The following PLCH2 variants were observed in gnomAD, a reference collection of about 807,000 sequenced individuals.
PLCH2 encodes 1-phosphatidylinositol 4,5-bisphosphate phosphodiesterase eta-2.
Under a neutral mutation model 134.7 loss-of-function variants are expected in PLCH2, and 98 were observed. The observed-to-expected ratio is 0.73, with a 90% CI of 0.62 to 0.86. The LOEUF (loss-of-function observed/expected upper bound fraction) is 0.86. Ranked by LOEUF, PLCH2 falls within the 40% of genes least tolerant of loss-of-function variation. The pLI is 0.00. For missense variants in PLCH2, 1,994 were observed against 1,986.6 expected (o/e 1.00, Z -0.07); for synonymous variants, 974 against 827.5 (o/e 1.18, Z -3.04).
Position 2,499,680 on chromosome 1 carries a change from C to G in PLCH2, c.2621C>G (p.Ser874Cys). 12 of 1,600,438 alleles carry G rather than the reference C, an allele frequency of 7.5e-6. No homozygotes were observed. The highest frequency in any genetic ancestry group is 1.0e-5 in the Non-Finnish European group (12 of 1,174,068). Residue 874 changes from serine (S) to cysteine (C), a missense_variant, in exon 20 of 22, where the codon TCC becomes TGC. This residue lies in a region of PLCH2 where 1,094 missense variants were observed against 1,234.3 expected (regional missense o/e 0.89). Transcript: ENST00000378486. ...HVYLEGMEEA[S>C]IFVHVAVSDI... The stretch of plus-strand genomic sequence containing the variant: ...TACCTAGAAGGGATGGAAGAGGCCT[C>G]CATCTTCGTGCATGTGGCTGTCAGT...
chr1:2,417,637 C>G, the PLCH2 span, among the ~76,000 whole-genome samples: 2 of 152,174 alleles, frequency 1.3e-5, no homozygotes, highest in African/African-American at 4.8e-5. Flanking sequence ...CACTGCATAG[C>G]CTGGGCTGTG....
intron 1 of PLCH2, chr1:2,467,727 A>G (rs1641135948): frequency 2.5e-6 from 1 of 401,242 alleles, no homozygotes; most frequent in Non-Finnish European, 4.4e-6. Flanking sequence ...CCAGGACCGG[A>G]CCTGTTCACT....
Position 2,428,247 on chromosome 1 carries a change from C to G in PLCH2, c.-177-2091C>G, listed in dbSNP as rs560063224. 7.2e-5 allele frequency among the ~76,000 whole-genome samples: 11 copies of G among 152,360 alleles called. No homozygotes were observed. The East Asian group carries it at 1.5e-3, about 21-fold the overall frequency. ...CAATGTCCCCTTCTTAGGCCAGGGT[C>G]TGGGCTCCTGGGGATCGGCCAGCAC... On this transcript the variant is annotated intron_variant, in intron 1 of 3. Coordinates refer to the PLCH2 transcript ENST00000609981.
upstream of PLCH2, among the ~76,000 whole-genome samples, chr1:2,463,818 C>T (rs144244490): frequency 2.6e-5 from 4 of 152,266 alleles, no homozygotes; most frequent in Non-Finnish European, 5.9e-5. Flanking sequence ...AAGGCACCAG[C>T]TGGCCAGGCC....
chr1:2,495,174 G>GC (rs1238229254), intron 12 of PLCH2, among the ~76,000 whole-genome samples: 2 of 152,218 alleles, frequency 1.3e-5, no homozygotes, highest in Admixed American at 6.5e-5. Flanking sequence ...GGTTGCAGGT[G>GC]CCAGGGACTG....
chr1:2,448,224 C>A lies in PLCH2; in HGVS notation c.115+17595C>A, dbSNP rs1294802383. Among the ~76,000 whole-genome samples the A allele has an allele frequency of 6.6e-6, 1 of 152,164 alleles. No individual in the cohort carries two copies. ...TCCTGCAGCTGCTGGGACCGGCTGC[C>A]GTGCACTGGCCACTAAAAACGCCGC... On this transcript the variant is annotated intron_variant, in intron 2 of 3. Coordinates refer to the PLCH2 transcript ENST00000609981. The surrounding 1 kb of genome is among the most constrained non-coding windows in gnomAD (Gnocchi z 4.0).
intron 2 of PLCH2, among the ~76,000 whole-genome samples, chr1:2,445,691 C>G (rs1330664830): frequency 1.3e-5 from 2 of 152,064 alleles, no homozygotes; most frequent in Non-Finnish European, 2.9e-5. Flanking sequence ...TACAGACCCT[C>G]CTAGGTGGTG....
In PLCH2 at chr1:2,444,057, GGGGCTGAGCCGCCTGGGCTTCAGACTC is replaced by G. The variant is rs1165556314; in HGVS notation, c.115+13432_115+13458del. Among the ~76,000 whole-genome samples the G allele has an allele frequency of 6.6e-6, 1 of 152,164 alleles. No homozygotes were observed. The highest frequency in any genetic ancestry group is 2.4e-5 in the African/African-American group (1 of 41,456). On this transcript the variant is annotated intron_variant, in intron 2 of 3. Coordinates refer to the PLCH2 transcript ENST00000609981. The surrounding 1 kb of genome is among the most constrained non-coding windows in gnomAD (Gnocchi z 4.6). ...GGGCGCCGCAGCCCTGGTGCGGGTC[GGGGCTGAGCCGCCTGGGCTTCAGACTC>G]GGGAGCGGAGGCTCGGATCGCGGTG...
chr1:2,477,333 T>G (rs1641689720), intron 1 of PLCH2, among the ~76,000 whole-genome samples: 2 of 152,072 alleles, frequency 1.3e-5, no homozygotes, highest in Admixed American at 1.3e-4. Context: ...TCACCTCCCA[T>G]GTGCCCCGGA....
chr1:2,501,787 C>T (rs931783656), intron 20 of PLCH2: 10 of 309,658 alleles, frequency 3.2e-5, no homozygotes, highest in Admixed American at 2.0e-4. Flanking sequence ...GTCTCTCCTC[C>T]GGAGGGAAAG....
intron 2 of PLCH2, among the ~76,000 whole-genome samples, chr1:2,459,440 GCCGGTGGTCCTCCTTC>G (rs1557969591): frequency 2.3e-4 from 2 of 8,628 alleles, no homozygotes; most frequent in East Asian, 3.4e-3. Context: ...GGTCCTCCTT[GCCGGTGGTCCTCCTTC>G]CTGGTGGTTC....
chr1:2,436,883 C>T (rs1639448769), intron 2 of PLCH2, among the ~76,000 whole-genome samples: 1 of 152,206 alleles, frequency 6.6e-6, no homozygotes, highest in Non-Finnish European at 1.5e-5. Context: ...GTGTGGGCAG[C>T]ATGGCCCATC....
chr1:2,505,243 G>A lies in PLCH2; in HGVS notation c.*30G>A, dbSNP rs1419009754. ...CAGTGGTGGGAACCTGGGCGGCTCT[G>A]GAGGCCCAGGGCAGGGGTGGGCGTG... On this transcript the variant is annotated 3_prime_UTR_variant, in exon 22 of 22. Coordinates refer to ENST00000378486, the MANE Select transcript of PLCH2 (RefSeq NM_014638.4). 4 of 1,504,352 alleles carry A rather than the reference G, an allele frequency of 2.7e-6. No homozygotes were observed. The South Asian group carries it at 4.8e-5, about 18-fold the overall frequency. 93.2% of individuals were successfully genotyped at this position (1,504,352 alleles called of 1,614,324 possible).
At chr1:2,480,106 C>T (rs567584665) in intron 3 of PLCH2, 77 bp from the exon 4 acceptor site, 5 of 1,590,954 alleles carry the variant, frequency 3.1e-6, no homozygotes, top group African/African-American at 2.7e-5. Context: ...TCCCCTATTC[C>T]TTCCTCCCTA....
At position 2,433,222 on chromosome 1, in the gene PLCH2, C is replaced by T. The variant is rs535489537; in HGVS notation, c.115+2593C>T. On this transcript the variant is annotated intron_variant, in intron 2 of 3. Coordinates refer to the PLCH2 transcript ENST00000609981. The stretch of plus-strand genomic sequence containing the variant: ...CCCGCTGTGTACGTGCTCAGGTGTC[C>T]GGGGAGGACCAGTGTGCTGTGGTGT... Among the ~76,000 whole-genome samples the T allele has an allele frequency of 7.2e-5, 11 of 152,310 alleles. No individual in the cohort carries two copies. The South Asian group carries it at 1.0e-3, about 14-fold the overall frequency.
chr1:2,429,477 G>A (rs1638962782), intron 1 of PLCH2, among the ~76,000 whole-genome samples: 1 of 152,204 alleles, frequency 6.6e-6, no homozygotes, highest in Non-Finnish European at 1.5e-5. Flanking sequence ...GGAGTTGGCG[G>A]GTGATGTGGT....
intron 2 of PLCH2, among the ~76,000 whole-genome samples, chr1:2,441,210 G>GC (rs1393063607): frequency 6.6e-6 from 1 of 152,184 alleles, no homozygotes; most frequent in African/African-American, 2.4e-5. Flanking sequence ...AGTGGAGAGA[G>GC]CCCCCCTGGC....
chr1:2,429,832 C>T (rs1303532479), intron 1 of PLCH2, among the ~76,000 whole-genome samples: 1 of 152,172 alleles, frequency 6.6e-6, no homozygotes, highest in Non-Finnish European at 1.5e-5. Flanking sequence ...GCTGTGAGGG[C>T]TGGCAAGTAC....
upstream of PLCH2, among the ~76,000 whole-genome samples, chr1:2,422,028 T>C (rs1374874258): frequency 6.6e-6 from 1 of 151,742 alleles, no homozygotes; most frequent in Non-Finnish European, 1.5e-5. Context: ...CCCAGCACTT[T>C]GGGAGGCTGA....
Sources: allele counts gnomAD v4.1 joint callset (sites outside exome capture counted in the v4.1 genomes callset), GRCh38; gene constraint gnomAD v4.1.1; regional missense constraint gnomAD v4.1.1; non-coding constraint Gnocchi (gnomAD v3.1); transcripts MANE v1.5; gene names NCBI Gene and HGNC (gene_info 2026-07-23, HGNC 2026-07-21).